PXDNL: variants seen among roughly 807,000 people sequenced by gnomAD.
PXDNL encodes the protein probable oxidoreductase PXDNL.
PXDNL carries 145 observed loss-of-function variants against 150.8 expected under a neutral mutation model. The ratio of observed to expected loss-of-function variants is 0.96; its 90% CI spans 0.84 to 1.10. The LOEUF (loss-of-function observed/expected upper bound fraction) is 1.10, where lower values mean the gene tolerates loss of function less well. Among genes scored for constraint, PXDNL ranks in the 50% least tolerant of loss-of-function variants. PXDNL has a pLI of 0.00. For synonymous variants in PXDNL, 757 were observed against 725.7 expected (o/e 1.04, Z -0.69); for missense variants, 2,087 against 1,873.9 (o/e 1.11, Z -2.10).
At chr8:51,471,139 C>A (rs368759571) in intron 8 of PXDNL, among the ~76,000 whole-genome samples, 265 of 112,562 alleles carry the variant, frequency 2.4e-3, no homozygotes, top group Middle Eastern at 9.4e-3. Flanking sequence ...AACAAATTTA[C>A]AAAAAAAAAA....
chr8:51,572,718 T>C (rs1812973534), intron 3 of PXDNL, among the ~76,000 whole-genome samples: 3 of 151,864 alleles, frequency 2.0e-5, no homozygotes, highest in Admixed American at 2.0e-4. Flanking sequence ...TTTTATGTAA[T>C]ATATGTCTTA....
chr8:51,564,502 C>T (rs1490425045), intron 3 of PXDNL, among the ~76,000 whole-genome samples: 2 of 151,082 alleles, frequency 1.3e-5, no homozygotes, highest in African/African-American at 2.4e-5. Context: ...GGAGTTTTTC[C>T]ATGCTCACTC....
At chr8:51,546,923 T>A (rs937606923) in intron 4 of PXDNL, among the ~76,000 whole-genome samples, 15 of 151,996 alleles carry the variant, frequency 9.9e-5, no homozygotes, top group African/African-American at 3.6e-4. Flanking sequence ...GAGGCATTCA[T>A]AATCCCCCTT....
chr8:51,401,896 G>A (rs927048787), intron 17 of PXDNL, among the ~76,000 whole-genome samples: 2 of 152,190 alleles, frequency 1.3e-5, no homozygotes, highest in African/African-American at 2.4e-5. Flanking sequence ...GAAAGGTGAC[G>A]GGGTGGTGTC....
At chr8:51,798,353 G>C (rs988113058) in intron 1 of PXDNL, among the ~76,000 whole-genome samples, 3 of 152,102 alleles carry the variant, frequency 2.0e-5, no homozygotes, top group African/African-American at 7.2e-5. Flanking sequence ...TTAAACTATA[G>C]AGCTTTTGCA....
intron 1 of PXDNL, among the ~76,000 whole-genome samples, chr8:51,713,686 GA>G (rs1040396837): frequency 5.3e-5 from 8 of 152,000 alleles, no homozygotes; most frequent in African/African-American, 7.2e-5. Context: ...AATCAAAGTA[GA>G]AAAAAAATTC....
chr8:51,792,227 T>A (rs962056470), intron 1 of PXDNL, among the ~76,000 whole-genome samples: 2 of 149,946 alleles, frequency 1.3e-5, no homozygotes, highest in Non-Finnish European at 3.0e-5. Flanking sequence ...ACAACTGAGG[T>A]ATCGAGGTTC....
chr8:51,480,406 G>A (rs1810574880), intron 6 of PXDNL, among the ~76,000 whole-genome samples: 1 of 152,162 alleles, frequency 6.6e-6, no homozygotes. Context: ...CATAGTGAAA[G>A]CAGGAGAAAA....
At chr8:51,667,159 C>T (rs79928334) in intron 1 of PXDNL, among the ~76,000 whole-genome samples, 1,571 of 152,240 alleles carry the variant, frequency 0.01, 17 homozygotes, top group Non-Finnish European at 0.017. Flanking sequence ...TGATCTCTTC[C>T]GTAAAGCCTT....
chr8:51,564,737 T>A (rs543454915), intron 3 of PXDNL, among the ~76,000 whole-genome samples: 6 of 152,026 alleles, frequency 3.9e-5, no homozygotes, highest in African/African-American at 1.4e-4. Flanking sequence ...AATTTTGCAA[T>A]ACAATATAAA....
At chr8:51,622,201 G>A (rs1415684769) in intron 2 of PXDNL, among the ~76,000 whole-genome samples, 2 of 152,100 alleles carry the variant, frequency 1.3e-5, no homozygotes, top group Admixed American at 6.5e-5. Flanking sequence ...CCACTGGCCG[G>A]CAAGGAAGCA....
chr8:51,508,979 C>T (rs535872993), intron 4 of PXDNL, among the ~76,000 whole-genome samples: 6 of 152,100 alleles, frequency 3.9e-5, no homozygotes, highest in African/African-American at 1.2e-4. Context: ...GATGCTGCAC[C>T]CATCCCAAAC....
In PXDNL at chr8:51,483,573, C is replaced by G. The variant is rs1810651869; in HGVS notation, c.524+70G>C. Reference sequence around the variant, plus strand: ...AGGAAAAGCAGGAGAAGGCAACCAACCATTGTTTGGGATGGATTTTGGAGG... The same window carrying G: ...AGGAAAAGCAGGAGAAGGCAACCAAGCATTGTTTGGGATGGATTTTGGAGG... On this transcript the variant is annotated intron_variant, in intron 6 of 22. Transcript: ENST00000356297. The G allele has an allele frequency of 5.3e-6, 5 of 952,022 alleles. No individual in the cohort carries two copies. In the South Asian group the frequency reaches 7.5e-5, roughly 14 times the overall value. 59.0% of individuals were successfully genotyped at this position (952,022 alleles called of 1,614,324 possible).
intron 1 of PXDNL, among the ~76,000 whole-genome samples, chr8:51,717,806 C>G (rs958226012): frequency 6.6e-6 from 1 of 152,204 alleles, no homozygotes; most frequent in African/African-American, 2.4e-5. Flanking sequence ...TGTGGTCAGG[C>G]AGTGTCACCC....
chr8:51,641,306 T>C (rs1340001810), intron 2 of PXDNL, among the ~76,000 whole-genome samples: 1 of 151,118 alleles, frequency 6.6e-6, no homozygotes, highest in Non-Finnish European at 1.5e-5. Context: ...AAGGACTTCA[T>C]GTCTAAAACA....
chr8:51,611,717 G>A (rs1359424853), intron 2 of PXDNL, among the ~76,000 whole-genome samples: 1 of 151,988 alleles, frequency 6.6e-6, no homozygotes, highest in East Asian at 1.9e-4. Context: ...CTGCCAAGTG[G>A]GAGGGGTGAG....
At chr8:51,785,740 T>C (rs1462475543) in intron 1 of PXDNL, among the ~76,000 whole-genome samples, 1 of 152,204 alleles carries the variant, frequency 6.6e-6, no homozygotes, top group South Asian at 2.1e-4. Context: ...CTCCCTCTCC[T>C]TGGGCCTCCC....
At chr8:51,341,774 T>C (rs560877319) in intron 20 of PXDNL, among the ~76,000 whole-genome samples, 1 of 152,254 alleles carries the variant, frequency 6.6e-6, no homozygotes, top group African/African-American at 2.4e-5. Flanking sequence ...TACAATGACA[T>C]AGCACCTCAC....
At chr8:51,610,897 C>T (rs1813984673) in intron 2 of PXDNL, among the ~76,000 whole-genome samples, 1 of 152,158 alleles carries the variant, frequency 6.6e-6, no homozygotes, top group Non-Finnish European at 1.5e-5. Context: ...GATGATCTCC[C>T]TTTTGATTGA....
Sources: gnomAD v4.1 joint callset for allele counts (sites outside exome capture counted in the v4.1 genomes callset) on GRCh38, gnomAD v4.1.1 for gene constraint, MANE v1.5 for transcripts, NCBI Gene and HGNC (gene_info 2026-07-23, HGNC 2026-07-21) for gene names.